The following CBFA2T2 variants were observed in gnomAD, a reference collection of about 807,000 sequenced individuals.
The protein encoded by CBFA2T2 is protein CBFA2T2.
CBFA2T2 carries 11 observed loss-of-function variants against 62.2 expected under a neutral mutation model. The observed-to-expected ratio is 0.18, with a 90% CI of 0.11 to 0.29. The LOEUF (loss-of-function observed/expected upper bound fraction) is 0.29, where lower values mean the gene tolerates loss of function less well. CBFA2T2 is among the 10% of genes least tolerant of loss of function. CBFA2T2 has a pLI of 1.00. For synonymous variants in CBFA2T2, 295 were observed against 287.5 expected (o/e 1.03, Z -0.27); for missense variants, 592 against 774.1 (o/e 0.76, Z 2.79).
chr20:33,616,609 C>G (rs1440579105), intron 3 of CBFA2T2, among the ~76,000 whole-genome samples: 1 of 151,962 alleles, frequency 6.6e-6, no homozygotes, highest in Non-Finnish European at 1.5e-5. Flanking sequence ...CACCTGTAAT[C>G]CCAGCTACTT....
At chr20:33,517,624 T>G (rs1000677954) in intron 1 of CBFA2T2, among the ~76,000 whole-genome samples, 5 of 151,784 alleles carry the variant, frequency 3.3e-5, no homozygotes, top group African/African-American at 1.2e-4. Context: ...TTTTTTGTAT[T>G]TTTAGTAGAG....
Position 33,619,507 on chromosome 20 carries a change from A to T in CBFA2T2, c.421-10A>T. ...TTTTGGAAGTTGAACAAGGTTATTT[A>T]TCTTTTCAGAACTCAACAGTGACAA... On this transcript the variant is annotated splice_polypyrimidine_tract_variant and intron_variant, in intron 3 of 10. Transcript: ENST00000342704. The T allele has an allele frequency of 6.5e-7, 1 of 1,544,380 alleles. No individual in the cohort carries two copies. The highest frequency in any genetic ancestry group is 2.4e-5 in the East Asian group (1 of 41,702).
chr20:33,643,843 G>A (rs1286210347), intron 10 of CBFA2T2, among the ~76,000 whole-genome samples: 1 of 122,002 alleles, frequency 8.2e-6, no homozygotes, highest in Non-Finnish European at 1.7e-5. Context: ...GTGTGTGTGT[G>A]TGTGTGTGTG....
intron 3 of CBFA2T2, among the ~76,000 whole-genome samples, chr20:33,615,455 C>T (rs2015669728): frequency 6.6e-6 from 1 of 151,894 alleles, no homozygotes; most frequent in Non-Finnish European, 1.5e-5. Flanking sequence ...TTAAGTACCC[C>T]CTCCCCCATT....
At chr20:33,558,634 T>G (rs539413639) in intron 1 of CBFA2T2, among the ~76,000 whole-genome samples, 22 of 152,292 alleles carry the variant, frequency 1.4e-4, no homozygotes, top group South Asian at 4.1e-4. Flanking sequence ...ACTTTTTTTT[T>G]GGGTAAAGCA....
chr20:33,636,318 G>A (rs78345091), intron 8 of CBFA2T2, among the ~76,000 whole-genome samples: 3,324 of 151,942 alleles, frequency 0.022, 117 homozygotes, highest in African/African-American at 0.076. Context: ...ATATTTTAGG[G>A]GGTACTGTAC....
At chr20:33,528,764 T>C (rs911933555) in intron 1 of CBFA2T2, among the ~76,000 whole-genome samples, 3 of 152,132 alleles carry the variant, frequency 2.0e-5, no homozygotes, top group Non-Finnish European at 4.4e-5. Flanking sequence ...GGTCTTGAAC[T>C]CCTGGGCTCA....
chr20:33,616,726 C>CA (rs369489789), intron 3 of CBFA2T2, among the ~76,000 whole-genome samples: 648 of 124,392 alleles, frequency 5.2e-3, no homozygotes, highest in Non-Finnish European at 7.4e-3. Context: ...GACTGTGTCT[C>CA]AAAAAAAAAA....
chr20:33,649,810 C>G lies in CBFA2T2; in HGVS notation c.*5164C>G, dbSNP rs1459013007. The G allele has an allele frequency of 6.6e-6, 1 of 152,558 alleles. No individual in the cohort carries two copies. The highest frequency in any genetic ancestry group is 1.5e-5 in the Non-Finnish European group (1 of 68,028). The allele number at this position is 152,558 out of a possible 1,614,324, so 9.5% of individuals were successfully genotyped here. ...TAATGTAAATAAATAGAAAACGAAG[C>G]CTCCACGCGTGGTTTTTAAAGGGGG... On this transcript the variant is annotated 3_prime_UTR_variant, in exon 11 of 11. Transcript: ENST00000342704.
At chr20:33,596,112 G>T (rs2014872630) in intron 1 of CBFA2T2, among the ~76,000 whole-genome samples, 1 of 152,108 alleles carries the variant, frequency 6.6e-6, no homozygotes, top group Non-Finnish European at 1.5e-5. Flanking sequence ...ATCTTTTGCT[G>T]CATACAGCTT....
At chr20:33,526,978 G>A (rs74795113) in intron 1 of CBFA2T2, among the ~76,000 whole-genome samples, 3,452 of 152,224 alleles carry the variant, frequency 0.023, 124 homozygotes, top group African/African-American at 0.079. Context: ...CGTTATCTGG[G>A]TTTGTGATCA....
intron 1 of CBFA2T2, among the ~76,000 whole-genome samples, chr20:33,549,544 G>A (rs991872180): frequency 1.3e-5 from 2 of 152,148 alleles, no homozygotes; most frequent in African/African-American, 2.4e-5. Context: ...CAGGAATAGC[G>A]AATTTATAGG....
intron 3 of CBFA2T2, among the ~76,000 whole-genome samples, chr20:33,617,331 G>A (rs2015747824): frequency 6.6e-6 from 1 of 152,168 alleles, no homozygotes; most frequent in Non-Finnish European, 1.5e-5. Flanking sequence ...TAGCTTAGTT[G>A]CCTCTTTTCC....
At chr20:33,498,723 C>A (rs2011232387) in intron 1 of CBFA2T2, among the ~76,000 whole-genome samples, 1 of 151,702 alleles carries the variant, frequency 6.6e-6, no homozygotes, top group African/African-American at 2.4e-5. Context: ...GCCTGGGTGA[C>A]AGAGAGACCC....
chr20:33,591,346 C>A (rs1264163659), intron 1 of CBFA2T2, among the ~76,000 whole-genome samples: 2 of 147,808 alleles, frequency 1.4e-5, no homozygotes. Flanking sequence ...GTAGTAGTCC[C>A]TGCTGTAGTC....
At chr20:33,553,137 G>T (rs2146886317) in intron 1 of CBFA2T2, among the ~76,000 whole-genome samples, 1 of 152,196 alleles carries the variant, frequency 6.6e-6, no homozygotes, top group East Asian at 1.9e-4. Context: ...TCTTTACTGT[G>T]TCTCCTGCAC....
At chr20:33,490,325 G>A (rs1568780602) in intron 1 of CBFA2T2, 24 bp downstream of exon 1, 16 of 1,278,804 alleles carry the variant, frequency 1.3e-5, no homozygotes, top group Non-Finnish European at 1.5e-5. Context: ...GAATGCGGGC[G>A]GCCGAGGGGG....
intron 8 of CBFA2T2, among the ~76,000 whole-genome samples, chr20:33,633,541 C>T (rs2016529250): frequency 6.6e-6 from 1 of 152,132 alleles, no homozygotes; most frequent in Non-Finnish European, 1.5e-5. Context: ...TGTAGGTTTC[C>T]TTACCTGAAA....
Position 33,649,867 on chromosome 20 carries a change from T to A in CBFA2T2, c.*5221T>A, listed in dbSNP as rs998969789. On this transcript the variant is annotated 3_prime_UTR_variant, in exon 11 of 11. Transcript: ENST00000342704. Reference sequence around the variant, plus strand: ...AATGTGACACCACCCACAGAATGCATTAGAATCTGGTTTTTCTGTGCTTTG... The same window carrying A: ...AATGTGACACCACCCACAGAATGCAATAGAATCTGGTTTTTCTGTGCTTTG... The A allele has an allele frequency of 1.3e-5, 2 of 152,636 alleles. No individual in the cohort carries two copies. The highest frequency in any genetic ancestry group is 2.4e-5 in the African/African-American group (1 of 41,452). The allele number at this position is 152,636 out of a possible 1,614,324, so 9.5% of individuals were successfully genotyped here.
Sources: gnomAD v4.1 joint callset for allele counts (sites outside exome capture counted in the v4.1 genomes callset) on GRCh38, gnomAD v4.1.1 for gene constraint, MANE v1.5 for transcripts, NCBI Gene and HGNC (gene_info 2026-07-23, HGNC 2026-07-21) for gene names.